Variants in TAB2 observed in about 807,000 individuals in gnomAD.
TAB2 encodes TGF-beta activated kinase 1 (MAP3K7) binding protein 2.
In TAB2, 3 loss-of-function variants were observed where a neutral mutation model predicts 65.0. The ratio of observed to expected loss-of-function variants is 0.05; its 90% CI spans 0.02 to 0.12. The LOEUF (loss-of-function observed/expected upper bound fraction) is 0.12, where lower values mean the gene tolerates loss of function less well. TAB2 is among the 10% of genes least tolerant of loss of function. The pLI is 1.00. For missense variants in TAB2, 623 were observed against 840.3 expected (o/e 0.74, Z 3.20); for synonymous variants, 298 against 285.1 (o/e 1.05, Z -0.46).
At chr6:149,277,522 T>G (rs549765607) in intron 1 of TAB2, among the ~76,000 whole-genome samples, 2 of 152,242 alleles carry the variant, frequency 1.3e-5, no homozygotes, top group East Asian at 3.9e-4. Context: ...AAACCAAATA[T>G]TAACACCAGT....
chr6:149,260,583 T>A (rs1256526639), intron 1 of TAB2, among the ~76,000 whole-genome samples: 1 of 152,236 alleles, frequency 6.6e-6, no homozygotes, highest in Non-Finnish European at 1.5e-5. Context: ...AATCATCCTA[T>A]GAACATCGTG....
At chr6:149,299,991 A>G (rs1778943239) in intron 1 of TAB2, among the ~76,000 whole-genome samples, 1 of 152,230 alleles carries the variant, frequency 6.6e-6, no homozygotes, top group South Asian at 2.1e-4. Context: ...CAACAGAACT[A>G]GAACCTGTCT....
At chr6:149,394,314 A>C (rs1398238949) in intron 3 of TAB2, among the ~76,000 whole-genome samples, 3 of 152,158 alleles carry the variant, frequency 2.0e-5, no homozygotes, top group Admixed American at 6.5e-5. Context: ...TCAAATTGTG[A>C]ATCTTTTTTT....
At chr6:149,285,939 G>A (rs1045404923) in intron 1 of TAB2, among the ~76,000 whole-genome samples, 2 of 152,098 alleles carry the variant, frequency 1.3e-5, no homozygotes, top group Admixed American at 6.6e-5. Context: ...GAGAACGCAC[G>A]TTGAGAACCA....
At position 149,398,809 on chromosome 6, in the gene TAB2, T is replaced by C. The variant is rs1782264631; in HGVS notation, c.1859-295T>C. 2.6e-5 allele frequency among the ~76,000 whole-genome samples: 4 copies of C among 152,286 alleles called. No individual in the cohort carries two copies. The East Asian group carries it at 7.7e-4, about 29-fold the overall frequency. ...TAAATTGTGAAATTTTAAGTTATTT[T>C]AACTTGCCACATAGAACAGGGATCT... On this transcript the variant is annotated intron_variant, in intron 5 of 6. Coordinates refer to ENST00000637181, the MANE Select transcript of TAB2 (RefSeq NM_001292034.3).
At chr6:149,408,734 A>G (rs1782746646) in intron 6 of TAB2, among the ~76,000 whole-genome samples, 3 of 152,172 alleles carry the variant, frequency 2.0e-5, no homozygotes, top group African/African-American at 7.2e-5. Context: ...TATAAATGTA[A>G]TCGCTTGTTA....
At chr6:149,292,460 T>C (rs1288760607) in intron 1 of TAB2, among the ~76,000 whole-genome samples, 1 of 152,214 alleles carries the variant, frequency 6.6e-6, no homozygotes, top group Non-Finnish European at 1.5e-5. Context: ...ACAATGAGAC[T>C]ACACCAGCAA....
intron 1 of TAB2, among the ~76,000 whole-genome samples, chr6:149,288,113 A>G (rs1253746382): frequency 1.3e-5 from 2 of 152,192 alleles, no homozygotes; most frequent in Admixed American, 6.5e-5. Flanking sequence ...GCAAACTACC[A>G]TATGTGGACT....
chr6:149,335,424 T>C (rs1779905086), intron 1 of TAB2, among the ~76,000 whole-genome samples: 2 of 151,988 alleles, frequency 1.3e-5, no homozygotes, highest in South Asian at 4.2e-4. Flanking sequence ...TGGAGGGCAG[T>C]GGTACAATCA....
At chr6:149,264,029 C>T (rs530619020) in intron 1 of TAB2, among the ~76,000 whole-genome samples, 1 of 152,210 alleles carries the variant, frequency 6.6e-6, no homozygotes, top group Non-Finnish European at 1.5e-5. Flanking sequence ...AAGGCAATGC[C>T]TATTCTGCAT....
chr6:149,346,313 T>A (rs965557736), intron 1 of TAB2, among the ~76,000 whole-genome samples: 5 of 151,756 alleles, frequency 3.3e-5, no homozygotes, highest in African/African-American at 9.7e-5. Context: ...TGGCCAGGAG[T>A]CCACTATGGG....
upstream of TAB2, among the ~76,000 whole-genome samples, chr6:149,312,981 A>T (rs573148): frequency 6.6e-6 from 1 of 151,672 alleles, no homozygotes; most frequent in South Asian, 2.1e-4. Context: ...CCGTTATCTC[A>T]TCCTTTTGTA....
chr6:149,389,645 CAAAAAAAAAAA>C (rs370622661), intron 3 of TAB2, among the ~76,000 whole-genome samples: 4 of 86,896 alleles, frequency 4.6e-5, no homozygotes, highest in African/African-American at 8.1e-5. Flanking sequence ...AACTCTGTGT[CAAAAAAAAAAA>C]AAAAAAAAAG....
intron 1 of TAB2, among the ~76,000 whole-genome samples, chr6:149,330,064 T>G (rs1470732773): frequency 1.3e-5 from 2 of 150,900 alleles, no homozygotes; most frequent in Non-Finnish European, 1.5e-5. Flanking sequence ...GTTACATAAA[T>G]CGTACGTGAT....
chr6:149,339,569 C>A (rs1780036891), intron 1 of TAB2, among the ~76,000 whole-genome samples: 1 of 150,442 alleles, frequency 6.6e-6, no homozygotes, highest in South Asian at 2.1e-4. Flanking sequence ...AGAAGCACGG[C>A]CCAATAATTA....
intron 2 of TAB2, among the ~76,000 whole-genome samples, chr6:149,375,965 A>G (rs1263540446): frequency 6.6e-6 from 1 of 152,108 alleles, no homozygotes; most frequent in East Asian, 1.9e-4. Flanking sequence ...CAAGGCATCA[A>G]GATGCCTTTT....
Position 149,399,215 on chromosome 6 carries a change from T to TA in TAB2, c.1939+32dup, listed in dbSNP as rs749432540. On this transcript the variant is annotated intron_variant, in intron 6 of 6. Coordinates refer to ENST00000637181, the MANE Select transcript of TAB2 (RefSeq NM_001292034.3). ...TGTATCCATTAAATGTGAAAACTGT[T>TA]ACTTTTGAAAAGCAAAATTTTAGAA... is the stretch of plus-strand genomic sequence containing the variant. 1.5e-5 allele frequency: 24 copies of TA among 1,601,782 alleles called. No individual in the cohort carries two copies. The African/African-American group carries it at 2.7e-4, about 18-fold the overall frequency.
At chr6:149,221,448 C>T (rs763084105) in intron 1 of TAB2, among the ~76,000 whole-genome samples, 3 of 152,166 alleles carry the variant, frequency 2.0e-5, no homozygotes, top group Admixed American at 6.5e-5. Flanking sequence ...ATCATCAGTG[C>T]AAAGTCAACC....
intron 1 of TAB2, among the ~76,000 whole-genome samples, chr6:149,351,563 C>T (rs1780491996): frequency 6.6e-6 from 1 of 152,152 alleles, no homozygotes; most frequent in African/African-American, 2.4e-5. Context: ...TTACTATGTG[C>T]TCTTTTTATT....
Sources: allele counts gnomAD v4.1 joint callset (sites outside exome capture counted in the v4.1 genomes callset), GRCh38; gene constraint gnomAD v4.1.1; transcripts MANE v1.5; gene names NCBI Gene and HGNC (gene_info 2026-07-23, HGNC 2026-07-21).